The following MYO1E variants were observed in gnomAD, a reference collection of about 807,000 sequenced individuals.
MYO1E encodes myosin IE.
A neutral mutation model predicts 151.1 loss-of-function variants in MYO1E; 68 were observed. The ratio of observed to expected loss-of-function variants is 0.45; its 90% confidence interval spans 0.37 to 0.55. The LOEUF is 0.55. Among genes scored for constraint, MYO1E ranks in the 20% least tolerant of loss-of-function variants. The probability of loss-of-function intolerance (pLI) is 0.00; values close to 1 mark genes in which losing one functional copy is unlikely to be tolerated. For synonymous variants in MYO1E, 601 were observed against 501.7 expected (o/e 1.20, Z -2.64); for missense variants, 1,363 against 1,389.3 (o/e 0.98, Z 0.30).
At chr15:59,265,894 G>A (rs1478760189) in intron 2 of MYO1E, among the ~76,000 whole-genome samples, 12 of 151,572 alleles carry the variant, frequency 7.9e-5, no homozygotes, top group Admixed American at 7.9e-4. Context: ...TTAGGCCTGG[G>A]AAGGCAAGGC....
At chr15:59,238,788 T>A (rs1467371785) in intron 4 of MYO1E, among the ~76,000 whole-genome samples, 3 of 151,874 alleles carry the variant, frequency 2.0e-5, no homozygotes, top group African/African-American at 7.3e-5. Flanking sequence ...GCCAGACTGG[T>A]CCCAACTCCT....
rs532645947 is a variant in MYO1E, at chr15:59,212,210, C to T, written c.1276-1610G>A. 5.3e-5 allele frequency among the ~76,000 whole-genome samples: 8 copies of T among 152,050 alleles called. No homozygotes were observed. The East Asian group carries it at 1.4e-3, about 26-fold the overall frequency. ...GGTTCACAGGAAACCCATATGGAAA[C>T]TACCAAACCAGTTAGGAGACTACTG... On this transcript the variant is annotated intron_variant, in intron 12 of 27. Coordinates refer to ENST00000288235, the MANE Select transcript of MYO1E (RefSeq NM_004998.4).
intron 1 of MYO1E, among the ~76,000 whole-genome samples, chr15:59,324,768 G>A (rs879598411): frequency 1.3e-5 from 2 of 152,066 alleles, no homozygotes; most frequent in Non-Finnish European, 2.9e-5. Context: ...GACCTGAGGA[G>A]TAAAATTGAG....
At chr15:59,206,861 C>A in intron 14 of MYO1E, 1 of 1,442,658 alleles carries the variant, frequency 6.9e-7, no homozygotes, top group Non-Finnish European at 9.3e-7. Flanking sequence ...GAAGGTCCTG[C>A]CAACGGCTCT....
intron 1 of MYO1E, 86 bp downstream of exon 1, chr15:59,372,409 GGCA>G: frequency 6.7e-7 from 1 of 1,493,452 alleles, no homozygotes; most frequent in South Asian, 1.2e-5. Context: ...CCCTGGCCCC[GGCA>G]GCGCGCCCAA....
rs183806162 is a variant in MYO1E, at chr15:59,132,690, A to G, written c.*4690T>C. 2.6e-5 allele frequency: 4 copies of G among 152,328 alleles called. No individual in the cohort carries two copies. The highest frequency in any genetic ancestry group is 2.0e-4 in the Admixed American group (3 of 15,298). 9.4% of individuals were successfully genotyped at this position (152,328 alleles called of 1,614,324 possible). On this transcript the variant is annotated 3_prime_UTR_variant, in exon 28 of 28. Coordinates refer to ENST00000288235, the MANE Select transcript of MYO1E (RefSeq NM_004998.4). Reference sequence around the variant, plus strand: ...TCTGAACGTGGGTGCTTTGGGTTTGATTTTAAGTAGTGGTGATCTCTATAC... The same window carrying G: ...TCTGAACGTGGGTGCTTTGGGTTTGGTTTTAAGTAGTGGTGATCTCTATAC...
intron 1 of MYO1E, among the ~76,000 whole-genome samples, chr15:59,300,866 CTT>C (rs58955743): frequency 0.031 from 3,906 of 126,936 alleles, 106 homozygotes; most frequent in African/African-American, 0.11. Flanking sequence ...CCTTTTTTTT[CTT>C]TTTTTTTTTT....
intron 16 of MYO1E, among the ~76,000 whole-genome samples, chr15:59,198,067 A>G (rs910709746): frequency 1.8e-4 from 27 of 152,052 alleles, no homozygotes; most frequent in African/African-American, 6.5e-4. Flanking sequence ...GGGTCTCACT[A>G]TATTTCCCAG....
chr15:59,227,653 C>T, intron 6 of MYO1E, 63 bp from the exon 7 acceptor site: 1 of 1,581,780 alleles, frequency 6.3e-7, no homozygotes, highest in African/African-American at 1.3e-5. Context: ...CCCAAACAGG[C>T]TTTGAATACA....
At chr15:59,238,159 A>G (rs1200634155) in intron 4 of MYO1E, among the ~76,000 whole-genome samples, 1 of 152,214 alleles carries the variant, frequency 6.6e-6, no homozygotes, top group African/African-American at 2.4e-5. Context: ...ACTCACAGGC[A>G]GCAACTAGGT....
At chr15:59,221,271 A>C (rs1672277087) in intron 9 of MYO1E, among the ~76,000 whole-genome samples, 1 of 151,934 alleles carries the variant, frequency 6.6e-6, no homozygotes, top group Admixed American at 6.6e-5. Flanking sequence ...CAGCCTCCTG[A>C]AGTGCTGGGA....
At chr15:59,178,268 C>G in intron 19 of MYO1E, 125 bp downstream of exon 19, 1 of 1,259,240 alleles carries the variant, frequency 7.9e-7, no homozygotes, top group Non-Finnish European at 1.1e-6. Context: ...GGGAAGGCTT[C>G]TTTGAGGAGA....
At chr15:59,251,042 G>A (rs2080161655) in intron 4 of MYO1E, among the ~76,000 whole-genome samples, 1 of 152,168 alleles carries the variant, frequency 6.6e-6, no homozygotes, top group Non-Finnish European at 1.5e-5. Flanking sequence ...GAAAATGTGA[G>A]GAAAGAGAAA....
At chr15:59,348,201 C>T (rs1332737383) in intron 1 of MYO1E, among the ~76,000 whole-genome samples, 3 of 152,112 alleles carry the variant, frequency 2.0e-5, no homozygotes, top group African/African-American at 7.2e-5. Flanking sequence ...GCGATGAAAC[C>T]CCCCAGGTGC....
chr15:59,335,762 G>C (rs1342953065), intron 1 of MYO1E, among the ~76,000 whole-genome samples: 1 of 152,142 alleles, frequency 6.6e-6, no homozygotes, highest in Admixed American at 6.5e-5. Flanking sequence ...CATTTTGAGA[G>C]GTAGTGGGAG....
chr15:59,202,286 C>A (rs2079806944), intron 16 of MYO1E, 40 bp downstream of exon 16: 1 of 1,563,918 alleles, frequency 6.4e-7, no homozygotes. Flanking sequence ...AAAGCGCTAG[C>A]CCTTATAAGA....
chr15:59,226,118 T>A (rs2079989765), intron 7 of MYO1E, among the ~76,000 whole-genome samples: 1 of 152,220 alleles, frequency 6.6e-6, no homozygotes, highest in African/African-American at 2.4e-5. Flanking sequence ...TGGGTATTAT[T>A]TATGTGAAAT....
At chr15:59,143,087 A>C (rs1341009858) in intron 26 of MYO1E, among the ~76,000 whole-genome samples, 1 of 152,190 alleles carries the variant, frequency 6.6e-6, no homozygotes, top group East Asian at 1.9e-4. Flanking sequence ...GGTCTTTGAT[A>C]TCAAGGCATC....
At chr15:59,207,746 C>G in intron 14 of MYO1E, 1 of 1,614,072 alleles carries the variant, frequency 6.2e-7, no homozygotes, top group Non-Finnish European at 8.5e-7. Flanking sequence ...GATATAGGAA[C>G]TGATAAAGAT....
Sources: gnomAD v4.1 joint callset for allele counts (sites outside exome capture counted in the v4.1 genomes callset) on GRCh38, gnomAD v4.1.1 for gene constraint, MANE v1.5 for transcripts, NCBI Gene and HGNC (gene_info 2026-07-23, HGNC 2026-07-21) for gene names.